Variants in HS3ST3A1 observed in about 807,000 individuals in gnomAD.
The protein encoded by HS3ST3A1 is heparan sulfate glucosamine 3-O-sulfotransferase 3A1.
A neutral mutation model predicts 25.7 loss-of-function variants in HS3ST3A1; 19 were observed. The observed-to-expected ratio is 0.74, with a 90% CI of 0.52 to 1.08. HS3ST3A1 has a LOEUF of 1.08. HS3ST3A1 is among the 50% of genes least tolerant of loss of function. The pLI is 0.00. For missense variants in HS3ST3A1, 459 were observed against 594.3 expected (o/e 0.77, Z 2.37); for synonymous variants, 226 against 278.6 (o/e 0.81, Z 1.88).
intron 1 of HS3ST3A1, among the ~76,000 whole-genome samples, chr17:13,553,496 C>A (rs1907295011): frequency 6.6e-6 from 1 of 152,110 alleles, no homozygotes; most frequent in African/African-American, 2.4e-5. Context: ...CAACTAAGAT[C>A]TTCTCTACCC....
Position 13,601,120 on chromosome 17 carries a change from G to T in HS3ST3A1, c.10C>A (p.Pro4Thr). ...GTGGAGAGGGCACTGGCCGGGCCCG[G>T]AGGGGCCATCCTAGCCGGAGGCGAC... MAPPGPASALSTSA... is the reference protein window; with the variant it reads MAPTGPASALSTSA... Residue 4 changes from proline to threonine, a missense_variant, in exon 1 of 2, where the codon CCG becomes ACG. By Grantham distance (38) the Pro-to-Thr change is conservative. Transcript: ENST00000284110. 1 of 1,561,502 alleles carries T rather than the reference G, an allele frequency of 6.4e-7. No homozygotes were observed. The highest frequency in any genetic ancestry group is 2.4e-5 in the East Asian group (1 of 40,898).
intron 1 of HS3ST3A1, among the ~76,000 whole-genome samples, chr17:13,580,178 A>T (rs1408660209): frequency 6.6e-6 from 1 of 152,146 alleles, no homozygotes; most frequent in Non-Finnish European, 1.5e-5. Context: ...GATTAAAAAA[A>T]CCACAGGACT....
At chr17:13,550,436 C>G (rs992338324) in intron 1 of HS3ST3A1, among the ~76,000 whole-genome samples, 2 of 152,040 alleles carry the variant, frequency 1.3e-5, no homozygotes, top group African/African-American at 4.8e-5. Context: ...CCACACACGC[C>G]CCCCATGTTC....
chr17:13,566,195 G>A (rs547355695), intron 1 of HS3ST3A1, among the ~76,000 whole-genome samples: 1 of 152,056 alleles, frequency 6.6e-6, no homozygotes, highest in South Asian at 2.1e-4. Context: ...GTCACATTTT[G>A]GTATTTTTCT....
intron 1 of HS3ST3A1, among the ~76,000 whole-genome samples, chr17:13,592,484 G>A (rs1318049494): frequency 6.6e-6 from 1 of 152,184 alleles, no homozygotes; most frequent in Non-Finnish European, 1.5e-5. Flanking sequence ...ATGAAGAAAA[G>A]TGTATAGCCA....
intron 1 of HS3ST3A1, among the ~76,000 whole-genome samples, chr17:13,560,289 CAAAAAAAAAAAAAAAAAAAAA>C (rs10632927): frequency 1.2e-4 from 2 of 17,378 alleles, no homozygotes; most frequent in Non-Finnish European, 2.3e-4. Context: ...CACTCGTCTC[CAAAAAAAAAAAAAAAAAAAAA>C]AAAAAAAAAG....
chr17:13,505,309 G>A (rs954063679), intron 1 of HS3ST3A1, among the ~76,000 whole-genome samples: 2 of 152,184 alleles, frequency 1.3e-5, no homozygotes, highest in African/African-American at 4.8e-5. Context: ...TGAAAATCCT[G>A]AAAGAACTAA....
intron 1 of HS3ST3A1, among the ~76,000 whole-genome samples, chr17:13,572,616 T>C (rs938255008): frequency 6.6e-6 from 1 of 152,214 alleles, no homozygotes; most frequent in Non-Finnish European, 1.5e-5. Flanking sequence ...CTTCTGTTCA[T>C]AGAGGCTGGG....
Position 13,587,467 on chromosome 17 carries a change from T to C in HS3ST3A1, c.599+13064A>G, listed in dbSNP as rs539409252. 1.1e-4 allele frequency among the ~76,000 whole-genome samples: 16 copies of C among 152,144 alleles called. No homozygotes were observed. The Middle Eastern group carries it at 0.01, about 97-fold the overall frequency. On this transcript the variant is annotated intron_variant, in intron 1 of 1. Coordinates refer to ENST00000284110, the MANE Select transcript of HS3ST3A1 (RefSeq NM_006042.3). ...GACTCCGTCTCAAAAATAAAAATAATAATAATCTTCAAAAATCTTTCCCAA... is the reference window on the plus strand; with the variant it reads ...GACTCCGTCTCAAAAATAAAAATAACAATAATCTTCAAAAATCTTTCCCAA...
intron 1 of HS3ST3A1, among the ~76,000 whole-genome samples, chr17:13,509,964 A>G (rs1905808265): frequency 6.6e-6 from 1 of 152,178 alleles, no homozygotes. Context: ...AACAAAATTC[A>G]TCTTGGGGGC....
chr17:13,589,050 ACT>A (rs1908353378), intron 1 of HS3ST3A1, among the ~76,000 whole-genome samples: 1 of 152,020 alleles, frequency 6.6e-6, no homozygotes, highest in South Asian at 2.1e-4. Flanking sequence ...GGATTGTCTA[ACT>A]CTGACCTTCA....
intron 1 of HS3ST3A1, among the ~76,000 whole-genome samples, chr17:13,591,652 TTTC>T (rs1567632006): frequency 1.6e-5 from 2 of 127,318 alleles, no homozygotes; most frequent in East Asian, 4.5e-4. Flanking sequence ...AATTTCCTTT[TTTC>T]TTCTTCTTTT....
rs570211129 is a variant in HS3ST3A1, at chr17:13,560,289, C to CACA, written c.599+40241_599+40242insTGT. Among the ~76,000 whole-genome samples the CACA allele has an allele frequency of 4.7e-3, 81 of 17,382 alleles. 3 individuals are homozygous for CACA. The highest frequency in any genetic ancestry group is 0.013 in the African/African-American group (77 of 5,894). 11.4% of individuals were successfully genotyped at this position (17,382 alleles called of 152,430 possible). The stretch of plus-strand genomic sequence containing the variant: ...TGGGCAACAGAGGGACACTCGTCTC[C>CACA]AAAAAAAAAAAAAAAAAAAAAAAAA... On this transcript the variant is annotated intron_variant, in intron 1 of 1. Coordinates refer to ENST00000284110, the MANE Select transcript of HS3ST3A1 (RefSeq NM_006042.3).
At chr17:13,543,347 G>C (rs184545373) in intron 1 of HS3ST3A1, among the ~76,000 whole-genome samples, 1 of 152,230 alleles carries the variant, frequency 6.6e-6, no homozygotes, top group East Asian at 2.0e-4. Context: ...AAGACACCCA[G>C]ATGATGTGTG....
intron 1 of HS3ST3A1, among the ~76,000 whole-genome samples, chr17:13,553,121 G>T (rs150386444): frequency 6.6e-6 from 1 of 152,242 alleles, no homozygotes; most frequent in African/African-American, 2.4e-5. Flanking sequence ...AATTGCTTTG[G>T]CTAAAGGGTG....
chr17:13,494,933 G>T lies in HS3ST3A1; in HGVS notation c.*1264C>A, dbSNP rs1905228021. On this transcript the variant is annotated 3_prime_UTR_variant, in exon 2 of 2. Transcript: ENST00000284110. Reference sequence around the variant, plus strand: ...GTTATAAATGGTATAAATAGGAAGTGGGAGGGGGGAATAAAGTGACAAAAT... The same window carrying T: ...GTTATAAATGGTATAAATAGGAAGTTGGAGGGGGGAATAAAGTGACAAAAT... 1.3e-5 allele frequency among the ~76,000 whole-genome samples: 2 copies of T among 152,094 alleles called. No individual in the cohort carries two copies. Among genetic ancestry groups the T allele is most frequent in the African/African-American group, 4.8e-5 (2 of 41,410 alleles).
At chr17:13,516,849 G>A (rs1906071176) in intron 1 of HS3ST3A1, among the ~76,000 whole-genome samples, 1 of 152,116 alleles carries the variant, frequency 6.6e-6, no homozygotes, top group South Asian at 2.1e-4. Context: ...ACTACGCCCG[G>A]CTAATTTTTT....
At chr17:13,563,996 A>G (rs1034984504) in intron 1 of HS3ST3A1, among the ~76,000 whole-genome samples, 2 of 152,222 alleles carry the variant, frequency 1.3e-5, no homozygotes, top group Admixed American at 6.5e-5. Context: ...ATTGCACAAT[A>G]AAACATTTGG....
chr17:13,570,625 T>C (rs944851696), intron 1 of HS3ST3A1, among the ~76,000 whole-genome samples: 5 of 152,130 alleles, frequency 3.3e-5, no homozygotes, highest in Non-Finnish European at 7.4e-5. Context: ...TACAGGTGCA[T>C]GCACCAGGCC....
Sources: allele counts gnomAD v4.1 joint callset (sites outside exome capture counted in the v4.1 genomes callset), GRCh38; gene constraint gnomAD v4.1.1; transcripts MANE v1.5; gene names NCBI Gene and HGNC (gene_info 2026-07-23, HGNC 2026-07-21).